The following GPD2 variants were observed in gnomAD, a reference collection of about 807,000 sequenced individuals.
The protein encoded by GPD2 is glycerol-3-phosphate dehydrogenase, mitochondrial.
Under a neutral mutation model 82.4 loss-of-function variants are expected in GPD2, and 54 were observed. That is an observed-to-expected ratio of 0.66 (90% CI 0.53 to 0.82). The LOEUF is 0.82. Ranked by LOEUF, GPD2 falls within the 40% of genes least tolerant of loss-of-function variation. GPD2 has a pLI of 0.00. For synonymous variants in GPD2, 288 were observed against 306.1 expected (o/e 0.94, Z 0.62); for missense variants, 748 against 896.2 (o/e 0.83, Z 2.11).
chr2:156,403,225 G>C, the GPD2 span, among the ~76,000 whole-genome samples: 7 of 150,976 alleles, frequency 4.6e-5, no homozygotes, highest in African/African-American at 9.7e-5. Context: ...CTTGCTAAAA[G>C]TCCATTCTAG....
Position 156,496,190 on chromosome 2 carries a change from C to G in GPD2, c.249C>G (p.Gly83=). 1 of 1,611,678 alleles carries G rather than the reference C, an allele frequency of 6.2e-7. No individual in the cohort carries two copies. Among genetic ancestry groups the G allele is most frequent in the Non-Finnish European group, 8.5e-7 (1 of 1,178,044 alleles). Residue 83 remains glycine, a synonymous_variant, in exon 3 of 17, where the codon GGC becomes GGG. Coordinates refer to ENST00000438166, the MANE Select transcript of GPD2 (RefSeq NM_000408.5). ...LVIGGGATGS[G]CALDAVTRGL... ...TTGGAGGAGGAGCAACAGGAAGTGGCTGTGCGCTAGATGCTGTCACCAGAG... is the reference window on the plus strand; with the variant it reads ...TTGGAGGAGGAGCAACAGGAAGTGGGTGTGCGCTAGATGCTGTCACCAGAG...
In GPD2 at chr2:156,549,592, G is replaced by A. The variant is rs1686674609; in HGVS notation, c.662-16G>A. The A allele has an allele frequency of 6.2e-7, 1 of 1,613,350 alleles. No individual in the cohort carries two copies. Among genetic ancestry groups the A allele is most frequent in the African/African-American group, 1.3e-5 (1 of 74,900 alleles). On this transcript the variant is annotated splice_polypyrimidine_tract_variant and intron_variant, in intron 6 of 16. Transcript: ENST00000438166. The stretch of plus-strand genomic sequence containing the variant: ...AGGTGACTCCTCTCCCTCCCCTGAT[G>A]CTTTCCCCGCTGCAGGACAACATAA...
chr2:156,550,516 T>G (rs990065823), intron 7 of GPD2, 86 bp from the exon 8 acceptor site: 59 of 1,328,958 alleles, frequency 4.4e-5, no homozygotes, highest in Non-Finnish European at 5.9e-5. Flanking sequence ...CACCATGGGT[T>G]AAGTTAATAG....
intron 2 of GPD2, among the ~76,000 whole-genome samples, chr2:156,478,099 T>G (rs1403371461): frequency 2.0e-5 from 3 of 152,234 alleles, no homozygotes; most frequent in Non-Finnish European, 4.4e-5. Context: ...TATCCCTTTT[T>G]TTGGTTTGAT....
intron 6 of GPD2, among the ~76,000 whole-genome samples, chr2:156,526,614 A>G (rs1016638626): frequency 4.6e-5 from 7 of 152,162 alleles, no homozygotes; most frequent in African/African-American, 7.2e-5. Context: ...TTTAAGATAT[A>G]AAAATTTGAG....
At chr2:156,535,197 A>G (rs1045122550) in intron 6 of GPD2, among the ~76,000 whole-genome samples, 1 of 151,898 alleles carries the variant, frequency 6.6e-6, no homozygotes, top group Admixed American at 6.6e-5. Context: ...TGATACAGGT[A>G]CTCAGGGTGC....
intron 2 of GPD2, among the ~76,000 whole-genome samples, chr2:156,488,397 A>T (rs557275508): frequency 6.6e-6 from 1 of 152,268 alleles, no homozygotes; most frequent in East Asian, 1.9e-4. Flanking sequence ...AAATCTTACG[A>T]TTCCATCGAT....
At chr2:156,579,027 C>G (rs761611160) in intron 14 of GPD2, 26 bp downstream of exon 14, 1 of 1,550,200 alleles carries the variant, frequency 6.5e-7, no homozygotes, top group Non-Finnish European at 8.9e-7. Flanking sequence ...GTCTATCTAT[C>G]TCTCTTTTTT....
At chr2:156,439,694 A>G (rs1364461761) in intron 1 of GPD2, among the ~76,000 whole-genome samples, 1 of 151,770 alleles carries the variant, frequency 6.6e-6, no homozygotes, top group South Asian at 2.1e-4. Context: ...TAAAAATACA[A>G]AAATTAGCCG....
intron 6 of GPD2, among the ~76,000 whole-genome samples, chr2:156,548,094 C>CTG (rs1437989641): frequency 1.3e-5 from 2 of 152,072 alleles, no homozygotes; most frequent in Non-Finnish European, 1.5e-5. Flanking sequence ...CGGATGGGTA[C>CTG]TGTGTTATTT....
intron 9 of GPD2, among the ~76,000 whole-genome samples, chr2:156,567,071 G>C (rs77849571): frequency 0.031 from 4,761 of 151,796 alleles, 253 homozygotes; most frequent in African/African-American, 0.11. Flanking sequence ...TTTGCTTTTT[G>C]TTGTTGCATT....
chr2:156,532,550 T>G (rs1685908450), intron 6 of GPD2, among the ~76,000 whole-genome samples: 1 of 152,190 alleles, frequency 6.6e-6, no homozygotes, highest in African/African-American at 2.4e-5. Context: ...TAAATTCCCT[T>G]TGAATTATGG....
intron 9 of GPD2, among the ~76,000 whole-genome samples, chr2:156,566,159 T>G (rs992721993): frequency 3.3e-5 from 5 of 152,248 alleles, no homozygotes; most frequent in African/African-American, 1.2e-4. Context: ...CCTTTCGTAA[T>G]TTGAGACTTG....
chr2:156,577,088 G>A lies in GPD2; in HGVS notation c.1768-1801G>A, dbSNP rs377006305. Among the ~76,000 whole-genome samples, 113 of 152,170 alleles carry A rather than the reference G, an allele frequency of 7.4e-4. 2 individuals carry two copies. In the South Asian group the frequency reaches 0.019, roughly 26 times the overall value. The stretch of plus-strand genomic sequence containing the variant: ...TTTTTAAGCTCAAAGAATTATTCAC[G>A]TTGATAATTTTTAATTTTGTTATTT... On this transcript the variant is annotated intron_variant, in intron 13 of 16. Transcript: ENST00000438166.
chr2:156,581,688 A>G (rs1688030806), intron 16 of GPD2, among the ~76,000 whole-genome samples: 1 of 152,112 alleles, frequency 6.6e-6, no homozygotes, highest in Non-Finnish European at 1.5e-5. Context: ...ATCACTATAG[A>G]TATCTCATGG....
chr2:156,409,088 C>T, the GPD2 span, among the ~76,000 whole-genome samples: 9 of 152,144 alleles, frequency 5.9e-5, no homozygotes, highest in African/African-American at 1.2e-4. Context: ...CACCAGAAGC[C>T]GGAAAGAGAT....
At chr2:156,417,561 C>G in the GPD2 span, among the ~76,000 whole-genome samples, 1 of 152,020 alleles carries the variant, frequency 6.6e-6, no homozygotes, top group Non-Finnish European at 1.5e-5. Context: ...TTTCCAAACA[C>G]TGTTAGTTCG....
chr2:156,422,238 C>T, the GPD2 span, among the ~76,000 whole-genome samples: 11 of 152,148 alleles, frequency 7.2e-5, no homozygotes, highest in East Asian at 7.7e-4. Flanking sequence ...TTTTTATGCT[C>T]TTGTATGTGA....
At chr2:156,546,933 C>A (rs1558953993) in intron 6 of GPD2, among the ~76,000 whole-genome samples, 1 of 146,632 alleles carries the variant, frequency 6.8e-6, no homozygotes. Context: ...TTTAACACAG[C>A]GAATGAGATT....
Sources: allele counts gnomAD v4.1 joint callset (sites outside exome capture counted in the v4.1 genomes callset), GRCh38; gene constraint gnomAD v4.1.1; transcripts MANE v1.5; gene names NCBI Gene and HGNC (gene_info 2026-07-23, HGNC 2026-07-21).